The following TRIM37 variants were observed in gnomAD, a reference collection of about 807,000 sequenced individuals.
TRIM37 encodes the protein E3 ubiquitin-protein ligase TRIM37.
Under a neutral mutation model 129.8 loss-of-function variants are expected in TRIM37, and 80 were observed. That is an observed-to-expected ratio of 0.62 (90% CI 0.51 to 0.74). The LOEUF (loss-of-function observed/expected upper bound fraction) is 0.74, where lower values mean the gene tolerates loss of function less well. TRIM37 is among the 30% of genes least tolerant of loss of function. The probability of loss-of-function intolerance (pLI) is 0.00; values close to 1 mark genes in which losing one functional copy is unlikely to be tolerated. For missense variants in TRIM37, 1,054 were observed against 1,176.5 expected (o/e 0.90, Z 1.52); for synonymous variants, 389 against 387.1 (o/e 1.00, Z -0.06).
chr17:59,055,335 A>C (rs1472809085), intron 13 of TRIM37, among the ~76,000 whole-genome samples: 1 of 39,712 alleles, frequency 2.5e-5, no homozygotes, highest in East Asian at 1.6e-3. Flanking sequence ...TCTGTCTCAA[A>C]AAAAAAAAAA....
Position 59,031,802 on chromosome 17 carries a change from T to C in TRIM37, c.1948+94A>G, listed in dbSNP as rs370825606. On this transcript the variant is annotated intron_variant, in intron 18 of 23. Coordinates refer to ENST00000262294, the MANE Select transcript of TRIM37 (RefSeq NM_015294.6). Reference sequence around the variant, plus strand: ...CAATGAAAAACACAGAAATACACCATGTTCCACACATAGCTGAAATACTTA... The same window carrying C: ...CAATGAAAAACACAGAAATACACCACGTTCCACACATAGCTGAAATACTTA... 119 of 1,257,980 alleles carry C rather than the reference T, an allele frequency of 9.5e-5. No individual in the cohort carries two copies. In the East Asian group the frequency reaches 1.6e-3, roughly 16 times the overall value. 77.9% of individuals were successfully genotyped at this position (1,257,980 alleles called of 1,614,324 possible).
At chr17:59,009,440 TTTC>T (rs1410039940) in intron 22 of TRIM37, among the ~76,000 whole-genome samples, 1 of 123,574 alleles carries the variant, frequency 8.1e-6, no homozygotes, top group South Asian at 2.8e-4. Flanking sequence ...TCCAATTTCT[TTTC>T]TTTTTTTTTT....
chr17:59,033,606 T>C (rs1014315180), intron 17 of TRIM37, among the ~76,000 whole-genome samples: 3 of 151,944 alleles, frequency 2.0e-5, no homozygotes, highest in Non-Finnish European at 2.9e-5. Context: ...TTTCAGTAGA[T>C]ACGGGGTTTC....
downstream of TRIM37, chr17:58,980,304 A>G: frequency 6.2e-7 from 1 of 1,614,126 alleles, no homozygotes; most frequent in African/African-American, 1.3e-5. The surrounding 1 kb of genome is among the most constrained non-coding windows in gnomAD (Gnocchi z 4.7). Context: ...GGGCAAGAAG[A>G]TGGTGGGGAT....
Position 58,998,255 on chromosome 17 carries a change from A to C in TRIM37, c.*1122T>G, listed in dbSNP as rs752596150. 73 of 985,376 alleles carry C rather than the reference A, an allele frequency of 7.4e-5. No homozygotes were observed. The highest frequency in any genetic ancestry group is 8.4e-5 in the Non-Finnish European group (70 of 829,948). 61.0% of individuals were successfully genotyped at this position (985,376 alleles called of 1,614,324 possible). The stretch of plus-strand genomic sequence containing the variant: ...AGTGCAAACTATTTTGAACAAAAGT[A>C]AACTATGAGTCACAGCATTCAGCAA... On this transcript the variant is annotated 3_prime_UTR_variant, in exon 24 of 24. Coordinates refer to ENST00000262294, the MANE Select transcript of TRIM37 (RefSeq NM_015294.6).
rs771151601 is a variant in TRIM37, at chr17:59,012,417, C to A, written c.2606G>T (p.Gly869Val). Residue 869 changes from glycine (G) to valine (V), a missense_variant, in exon 22 of 24, where the codon GGA becomes GTA. Coordinates refer to ENST00000262294, the MANE Select transcript of TRIM37 (RefSeq NM_015294.6). ...ATTTTCCAAATCAGTCATCTGCAGT[C>A]CTTCCAGATGACCTCCTTTAGCATT... ...GANAKGGHLE[G>V]LQMTDLENNS... is the part of the protein sequence containing the mutation. The A allele has an allele frequency of 6.2e-7, 1 of 1,610,992 alleles. No individual in the cohort carries two copies. The highest frequency in any genetic ancestry group is 1.1e-5 in the South Asian group (1 of 91,062).
chr17:58,982,622 AC>A, downstream of TRIM37: 2 of 402,952 alleles, frequency 5.0e-6, no homozygotes, highest in Non-Finnish European at 9.0e-6. Context: ...TATCAAATAG[AC>A]AAAAACAGCT....
intron 17 of TRIM37, among the ~76,000 whole-genome samples, chr17:59,041,374 A>G (rs958344450): frequency 6.6e-6 from 1 of 152,244 alleles, no homozygotes. Context: ...CTAAGAGTCA[A>G]TGATTCCACT....
At chr17:58,970,399 G>T in the TRIM37 span, among the ~76,000 whole-genome samples, 1 of 152,020 alleles carries the variant, frequency 6.6e-6, no homozygotes, top group Non-Finnish European at 1.5e-5. Flanking sequence ...ATTAACTACA[G>T]TGTTCTATAT....
intron 5 of TRIM37, among the ~76,000 whole-genome samples, chr17:59,081,964 A>AAAATAATAAT (rs1568200247): frequency 1.1e-5 from 1 of 87,226 alleles, no homozygotes; most frequent in Non-Finnish European, 2.2e-5. Context: ...AAAAAAAAAA[A>AAAATAATAAT]AATAATAATA....
At chr17:59,029,340 G>A (rs1433733263) in intron 18 of TRIM37, among the ~76,000 whole-genome samples, 1 of 152,088 alleles carries the variant, frequency 6.6e-6, no homozygotes, top group East Asian at 1.9e-4. Flanking sequence ...AATACGGTTT[G>A]AATCTAACCA....
chr17:58,987,157 A>G (rs2143989539), intron 24 of TRIM37, among the ~76,000 whole-genome samples: 1 of 152,352 alleles, frequency 6.6e-6, no homozygotes, highest in South Asian at 2.1e-4. Context: ...AACAAATGTG[A>G]AAAACTGTCA....
chr17:59,075,687 G>T lies in TRIM37; in HGVS notation c.644C>A (p.Thr215Lys). Residue 215 changes from threonine to lysine, a missense_variant, in exon 8 of 24, where the codon ACA becomes AAA. Transcript: ENST00000262294. ...MGQKTSLTQETELLESLLQEV... is the reference protein window; with the variant it reads ...MGQKTSLTQEKELLESLLQEV... ...CTGAAGTAAGGATTCCAAAAGCTCT[G>T]TTTCTTGGGTTAGAGATGTCTTCTG... 2 of 1,610,610 alleles carry T rather than the reference G, an allele frequency of 1.2e-6. No individual in the cohort carries two copies. The highest frequency in any genetic ancestry group is 1.7e-6 in the Non-Finnish European group (2 of 1,179,032).
Position 58,998,312 on chromosome 17 carries a change from A to G in TRIM37, c.*1065T>C, listed in dbSNP as rs952616121. The stretch of plus-strand genomic sequence containing the variant: ...AGACACGGAAGAGTGAACAATATTC[A>G]CTAAGTAAAATACAGCAGATGAGAT... On this transcript the variant is annotated 3_prime_UTR_variant, in exon 24 of 24. Coordinates refer to ENST00000262294, the MANE Select transcript of TRIM37 (RefSeq NM_015294.6). The G allele has an allele frequency of 4.1e-6, 4 of 985,282 alleles. No homozygotes were observed. In the African/African-American group the frequency reaches 7.0e-5, roughly 17 times the overall value. 61.0% of individuals were successfully genotyped at this position (985,282 alleles called of 1,614,324 possible). A position where few individuals can be genotyped will look rare whatever the true frequency, so the allele number is the denominator to read the frequency against.
chr17:59,043,384 T>C (rs11655863), intron 16 of TRIM37, among the ~76,000 whole-genome samples: 142 of 152,154 alleles, frequency 9.3e-4, no homozygotes, highest in Non-Finnish European at 1.7e-3. Context: ...CTCAAAAAAA[T>C]CTATAAAAAC....
chr17:59,062,564 T>TA lies in TRIM37; in HGVS notation c.942+2dup. ...AAATTTATTAGAAATATGAAAAACT[T>TA]ACTGGGTAAACTTTTAACCTCCAGC... On this transcript the variant is annotated splice_region_variant and intron_variant, in intron 11 of 23. Coordinates refer to ENST00000262294, the MANE Select transcript of TRIM37 (RefSeq NM_015294.6). The TA allele has an allele frequency of 6.2e-7, 1 of 1,612,646 alleles. No homozygotes were observed. The highest frequency in any genetic ancestry group is 1.1e-5 in the South Asian group (1 of 91,024).
intron 9 of TRIM37, among the ~76,000 whole-genome samples, chr17:59,065,891 C>T (rs943908009): frequency 1.3e-5 from 2 of 152,128 alleles, no homozygotes; most frequent in African/African-American, 4.8e-5. Flanking sequence ...AAATAGGTCA[C>T]GTCTTTTACA....
intron 6 of TRIM37, among the ~76,000 whole-genome samples, chr17:59,080,689 G>A (rs1231203673): frequency 1.3e-5 from 2 of 152,106 alleles, no homozygotes; most frequent in African/African-American, 4.8e-5. Context: ...TACTTGGGAG[G>A]GTGAGGCAAA....
intron 24 of TRIM37, among the ~76,000 whole-genome samples, chr17:58,989,532 A>G (rs551685220): frequency 6.6e-6 from 1 of 152,354 alleles, no homozygotes; most frequent in Admixed American, 6.5e-5. Flanking sequence ...GATGGAACCT[A>G]TAATTAAATA....
Sources: gnomAD v4.1 joint callset for allele counts (sites outside exome capture counted in the v4.1 genomes callset) on GRCh38, gnomAD v4.1.1 for gene constraint, Gnocchi (gnomAD v3.1) non-coding constraint, MANE v1.5 for transcripts, NCBI Gene and HGNC (gene_info 2026-07-23, HGNC 2026-07-21) for gene names.